Variants in ZMAT4 observed in about 807,000 individuals in gnomAD.
ZMAT4 encodes the protein zinc finger matrin-type protein 4.
Under a neutral mutation model 28.7 loss-of-function variants are expected in ZMAT4, and 17 were observed. The observed-to-expected ratio is 0.59, with a 90% CI of 0.41 to 0.89. ZMAT4 has a LOEUF of 0.89. Among genes scored for constraint, ZMAT4 ranks in the 40% least tolerant of loss-of-function variants. The pLI is 0.00. For synonymous variants in ZMAT4, 117 were observed against 109.2 expected (o/e 1.07, Z -0.44); for missense variants, 240 against 283.8 (o/e 0.85, Z 1.11).
At chr8:40,589,830 CTTCCTTTCTTCTTTCT>C (rs988964309) in intron 5 of ZMAT4, among the ~76,000 whole-genome samples, 6 of 136,404 alleles carry the variant, frequency 4.4e-5, no homozygotes, top group African/African-American at 1.7e-4. Context: ...ATTTCCTTCC[CTTCCTTTCTTCTTTCT>C]TTCCTTTCTT....
intron 1 of ZMAT4, among the ~76,000 whole-genome samples, chr8:40,827,058 C>T (rs781231419): frequency 6.6e-6 from 1 of 152,176 alleles, no homozygotes; most frequent in Non-Finnish European, 1.5e-5. Context: ...CATCATCTTA[C>T]CTATAAGACA....
At chr8:40,732,125 G>A (rs1016391507) in intron 3 of ZMAT4, among the ~76,000 whole-genome samples, 1 of 152,120 alleles carries the variant, frequency 6.6e-6, no homozygotes, top group Non-Finnish European at 1.5e-5. Context: ...GATGGAGAGA[G>A]TTCTAGAGAC....
chr8:40,548,985 A>G (rs921608013), intron 6 of ZMAT4, among the ~76,000 whole-genome samples: 8 of 152,194 alleles, frequency 5.3e-5, no homozygotes, highest in African/African-American at 1.9e-4. Flanking sequence ...CAGAATTCAT[A>G]TGTTGAAACG....
intron 6 of ZMAT4, among the ~76,000 whole-genome samples, chr8:40,553,126 C>T (rs532095638): frequency 2.0e-5 from 3 of 152,196 alleles, no homozygotes; most frequent in African/African-American, 7.2e-5. Flanking sequence ...ACTGGCCACC[C>T]TGGAAAATGT....
intron 5 of ZMAT4, among the ~76,000 whole-genome samples, chr8:40,642,499 T>C (rs2118770137): frequency 6.6e-6 from 1 of 152,320 alleles, no homozygotes; most frequent in South Asian, 2.1e-4. Context: ...GTTTTCTCAC[T>C]GGGTCAAATA....
intron 1 of ZMAT4, among the ~76,000 whole-genome samples, chr8:40,833,525 A>G: frequency 7.0e-6 from 1 of 143,484 alleles, no homozygotes. Flanking sequence ...CCGAGATCAT[A>G]CCACTACACT....
At chr8:40,589,420 G>T (rs1804777608) in intron 5 of ZMAT4, among the ~76,000 whole-genome samples, 1 of 152,108 alleles carries the variant, frequency 6.6e-6, no homozygotes, top group South Asian at 2.1e-4. Context: ...ATATCATCTG[G>T]TCTGGTATTC....
intron 1 of ZMAT4, among the ~76,000 whole-genome samples, chr8:40,862,114 C>T (rs190383982): frequency 3.5e-4 from 49 of 140,908 alleles, no homozygotes; most frequent in East Asian, 9.4e-4. Flanking sequence ...TAAAGACACA[C>T]GCACACGTAT....
intron 3 of ZMAT4, among the ~76,000 whole-genome samples, chr8:40,754,318 T>A (rs1479977305): frequency 6.6e-6 from 1 of 152,186 alleles, no homozygotes; most frequent in Non-Finnish European, 1.5e-5. Flanking sequence ...TGGCACTATC[T>A]CCACCAGGGA....
chr8:40,823,899 T>C (rs1264259838), intron 2 of ZMAT4, among the ~76,000 whole-genome samples: 1 of 152,222 alleles, frequency 6.6e-6, no homozygotes, highest in Non-Finnish European at 1.5e-5. Flanking sequence ...AAACATTTGC[T>C]TTCATCAAAA....
intron 6 of ZMAT4, among the ~76,000 whole-genome samples, chr8:40,560,431 A>T (rs1452669035): frequency 6.6e-6 from 1 of 152,034 alleles, no homozygotes; most frequent in African/African-American, 2.4e-5. Context: ...CCCTCAAAGT[A>T]ATCTCAGAAT....
chr8:40,698,760 A>C lies in ZMAT4; in HGVS notation c.193-1359T>G, dbSNP rs552470198. Among the ~76,000 whole-genome samples, 4 of 152,286 alleles carry C rather than the reference A, an allele frequency of 2.6e-5. No individual in the cohort carries two copies. The South Asian group carries it at 8.3e-4, about 32-fold the overall frequency. On this transcript the variant is annotated intron_variant, in intron 3 of 6. Transcript: ENST00000297737. ...TAATATCTCTGATAATTAGCATTTC[A>C]TCCTTGGAAGGAAGGGGTTGTGTGT...
chr8:40,810,670 T>G (rs34448882), intron 2 of ZMAT4, among the ~76,000 whole-genome samples: 2 of 152,042 alleles, frequency 1.3e-5, no homozygotes, highest in Non-Finnish European at 2.9e-5. Context: ...AAGGGCTTCT[T>G]AAACAAACTG....
intron 5 of ZMAT4, among the ~76,000 whole-genome samples, chr8:40,624,005 G>C (rs1231655133): frequency 6.6e-6 from 1 of 152,110 alleles, no homozygotes; most frequent in Non-Finnish European, 1.5e-5. Flanking sequence ...ACTAATTCCA[G>C]GTCATACTGT....
intron 5 of ZMAT4, among the ~76,000 whole-genome samples, chr8:40,632,583 A>G (rs1178614585): frequency 1.3e-5 from 2 of 152,114 alleles, no homozygotes; most frequent in Non-Finnish European, 2.9e-5. Context: ...AAAGAGAAGA[A>G]GGCCCTGTAA....
rs79705797 is a variant in ZMAT4, at chr8:40,628,442, C to A, written c.577+46262G>T. Among the ~76,000 whole-genome samples the A allele has an allele frequency of 2.6e-5, 4 of 152,304 alleles. No individual in the cohort carries two copies. The East Asian group carries it at 7.7e-4, about 29-fold the overall frequency. ...TATGAAGTGTGTGTTATGATTATCT[C>A]TATTCTAGGCTCAGAGAAGTTAAAT... is the stretch of plus-strand genomic sequence containing the variant. On this transcript the variant is annotated intron_variant, in intron 5 of 6. Coordinates refer to ENST00000297737, the MANE Select transcript of ZMAT4 (RefSeq NM_024645.3).
At position 40,567,353 on chromosome 8, in the gene ZMAT4, T is replaced by C. The variant is rs1431701295; in HGVS notation, c.674+13812A>G. Among the ~76,000 whole-genome samples, 3 of 152,088 alleles carry C rather than the reference T, an allele frequency of 2.0e-5. No individual in the cohort carries two copies. In the South Asian group the frequency reaches 6.2e-4, roughly 32 times the overall value. ...ATATTACTATTGATATTTATATAAG[T>C]TTATATTCTGAATGAGGTATAGATT... On this transcript the variant is annotated intron_variant, in intron 6 of 6. Coordinates refer to ENST00000297737, the MANE Select transcript of ZMAT4 (RefSeq NM_024645.3).
intron 1 of ZMAT4, among the ~76,000 whole-genome samples, chr8:40,833,462 G>T (rs1024843035): frequency 1.3e-5 from 2 of 150,352 alleles, no homozygotes; most frequent in Non-Finnish European, 3.0e-5. Flanking sequence ...CAGCTACTCT[G>T]GAGGCTGAGG....
At position 40,759,096 on chromosome 8, in the gene ZMAT4, A is replaced by G. The variant is rs571532592; in HGVS notation, c.192+8545T>C. ...CAGGAGTTCGAGACCAGCCTGACCA[A>G]CATCATCAAACCCCGTCTCTACTAA... On this transcript the variant is annotated intron_variant, in intron 3 of 6. Coordinates refer to ENST00000297737, the MANE Select transcript of ZMAT4 (RefSeq NM_024645.3). Among the ~76,000 whole-genome samples, 191 of 152,162 alleles carry G rather than the reference A, an allele frequency of 1.3e-3. 3 individuals are homozygous for G. The highest frequency in any genetic ancestry group is 0.011 in the Admixed American group (173 of 15,286).
Sources: allele counts gnomAD v4.1 joint callset (sites outside exome capture counted in the v4.1 genomes callset), GRCh38; gene constraint gnomAD v4.1.1; transcripts MANE v1.5; gene names NCBI Gene and HGNC (gene_info 2026-07-23, HGNC 2026-07-21).